Variants in MAN1C1 observed in about 807,000 individuals in gnomAD.
MAN1C1 encodes the protein mannosidase alpha class 1C member 1.
A neutral mutation model predicts 71.5 loss-of-function variants in MAN1C1; 49 were observed. The observed-to-expected ratio is 0.69, with a 90% confidence interval of 0.54 to 0.87. MAN1C1 has a LOEUF of 0.87. Ranked by LOEUF, MAN1C1 falls within the 40% of genes least tolerant of loss-of-function variation. The pLI, the probability that MAN1C1 is intolerant of heterozygous loss-of-function variation, is 0.00. For missense variants in MAN1C1, 743 were observed against 835.0 expected (o/e 0.89, Z 1.36); for synonymous variants, 352 against 343.7 (o/e 1.02, Z -0.27).
chr1:25,681,940 C>A (rs2046160652), intron 1 of MAN1C1, among the ~76,000 whole-genome samples: 1 of 148,838 alleles, frequency 6.7e-6, no homozygotes, highest in Non-Finnish European at 1.5e-5. Flanking sequence ...GCTAGTCTAA[C>A]CCCCTATTTG....
intron 1 of MAN1C1, among the ~76,000 whole-genome samples, chr1:25,654,967 TCC>T (rs1212072862): frequency 4.6e-5 from 7 of 152,160 alleles, no homozygotes; most frequent in Non-Finnish European, 8.8e-5. Context: ...TTTCCATGGT[TCC>T]AAAGTGCTGT....
rs12072247 is a variant in MAN1C1 at position 25,755,558 on chromosome 1, G to T, written c.929+1980G>T. Among the ~76,000 whole-genome samples the T allele has an allele frequency of 7.6e-3, 1,151 of 152,344 alleles. 13 individuals carry two copies. Among genetic ancestry groups the T allele is most frequent in the African/African-American group, 0.026 (1,072 of 41,566 alleles). On this transcript the variant is annotated intron_variant, in intron 5 of 11. Transcript: ENST00000374332. ...AACGTCTGGTGAGAAGTCACTGTGT[G>T]TCAGGCATCACGTGAGCACGTGACA...
rs919091061 is a variant in MAN1C1, at chr1:25,711,657, C to T, written c.637+25121C>T. On this transcript the variant is annotated intron_variant, in intron 2 of 11. Transcript: ENST00000374332. This position sits in a 1 kb window ranked among gnomAD's most constrained non-coding sequence, Gnocchi z 4.3. ...TGCTCCCTGCGGCCCCGCCCCTCCT[C>T]CCTGCGGCCCCGCCCCTCCCCTGCG... Among the ~76,000 whole-genome samples the T allele has an allele frequency of 2.0e-5, 3 of 150,090 alleles. No homozygotes were observed. The highest frequency in any genetic ancestry group is 4.0e-4 in the East Asian group (2 of 4,942).
chr1:25,764,117 C>T lies in MAN1C1; in HGVS notation c.1141+150C>T, dbSNP rs560612702. 4.0e-5 allele frequency: 26 copies of T among 653,370 alleles called. No homozygotes were observed. In the East Asian group the frequency reaches 6.0e-4, roughly 15 times the overall value. 40.5% of individuals were successfully genotyped at this position (653,370 alleles called of 1,614,324 possible). On this transcript the variant is annotated intron_variant, in intron 7 of 11. Transcript: ENST00000374332. This position sits in a 1 kb window ranked among gnomAD's most constrained non-coding sequence, Gnocchi z 4.4. ...TTCGCTCGGTGCTCCTGGACACCAC[C>T]TGCCTTCCCATGCATCCTGGGGGCT...
intron 2 of MAN1C1, among the ~76,000 whole-genome samples, chr1:25,706,316 T>C (rs1466531301): frequency 6.6e-6 from 1 of 152,216 alleles, no homozygotes; most frequent in Non-Finnish European, 1.5e-5. Flanking sequence ...TTGTCCCACA[T>C]GACCCAGATG....
Position 25,617,992 on chromosome 1 carries a change from G to C in MAN1C1, c.195G>C (p.Val65=), listed in dbSNP as rs762862299. The C allele has an allele frequency of 2.5e-6, 4 of 1,605,812 alleles. No individual in the cohort carries two copies. The highest frequency in any genetic ancestry group is 3.4e-6 in the Non-Finnish European group (4 of 1,177,202). ...GGACCCAGCAGCCTGGTCTGGAAGT[G>C]GTGGCTGAAATCGCCGGCCATGCCC... The part of the protein sequence containing the change: ...APRTQQPGLE[V]VAEIAGHAPA... Residue 65 remains valine, a synonymous_variant, in exon 1 of 12, where the codon GTG becomes GTC. Transcript: ENST00000374332. This position sits in a 1 kb window ranked among gnomAD's most constrained non-coding sequence, Gnocchi z 5.1.
chr1:25,644,512 A>ATTT (rs1412655325), intron 1 of MAN1C1: 45 of 91,002 alleles, frequency 4.9e-4, no homozygotes, highest in African/African-American at 3.4e-3. Context: ...ATATATATAT[A>ATTT]TATATATTTT....
At chr1:25,648,441 A>G (rs2045646378) in intron 1 of MAN1C1, among the ~76,000 whole-genome samples, 1 of 152,166 alleles carries the variant, frequency 6.6e-6, no homozygotes, top group African/African-American at 2.4e-5. Flanking sequence ...ATAAGTTGCC[A>G]AGAACCTGGA....
At chr1:25,663,878 G>T (rs2045884764) in intron 1 of MAN1C1, among the ~76,000 whole-genome samples, 1 of 152,192 alleles carries the variant, frequency 6.6e-6, no homozygotes, top group Non-Finnish European at 1.5e-5. Flanking sequence ...CAAATAAAAA[G>T]TTAGAACATG....
chr1:25,656,835 T>G (rs1022704209), intron 1 of MAN1C1, among the ~76,000 whole-genome samples: 7 of 151,782 alleles, frequency 4.6e-5, no homozygotes, highest in Non-Finnish European at 1.0e-4. Flanking sequence ...CGTCTTTTTT[T>G]TTTTTTTTGA....
intron 6 of MAN1C1, chr1:25,763,558 G>A: frequency 3.7e-6 from 1 of 273,670 alleles, no homozygotes; most frequent in Non-Finnish European, 6.9e-6. Context: ...CAAGCAATGA[G>A]GAAGTGTTGA....
intron 1 of MAN1C1, among the ~76,000 whole-genome samples, chr1:25,676,358 C>A (rs1479397128): frequency 6.6e-6 from 1 of 152,296 alleles, no homozygotes; most frequent in South Asian, 2.1e-4. Context: ...CCCGGGCAAC[C>A]AAACCCCACC....
chr1:25,758,858 A>G, intron 6 of MAN1C1, 149 bp downstream of exon 6: 1 of 707,990 alleles, frequency 1.4e-6, no homozygotes. Context: ...TAAGGTAGCA[A>G]ATAGTAGCTA....
chr1:25,619,177 C>T (rs527496433), intron 1 of MAN1C1, among the ~76,000 whole-genome samples: 1 of 152,286 alleles, frequency 6.6e-6, no homozygotes, highest in South Asian at 2.1e-4. Context: ...TTCTGCTGGA[C>T]CACTGTTAGA....
At chr1:25,639,152 T>C (rs1411958382) in intron 1 of MAN1C1, among the ~76,000 whole-genome samples, 1 of 152,168 alleles carries the variant, frequency 6.6e-6, no homozygotes, top group African/African-American at 2.4e-5. Flanking sequence ...ACCCAATGAC[T>C]TTTTTATTTC....
intron 1 of MAN1C1, among the ~76,000 whole-genome samples, chr1:25,685,131 T>G (rs1169912167): frequency 6.6e-6 from 1 of 152,244 alleles, no homozygotes; most frequent in Non-Finnish European, 1.5e-5. Context: ...AATCACTTGC[T>G]GTGTCTGGTC....
chr1:25,682,905 GCA>G (rs2046174319), intron 1 of MAN1C1, among the ~76,000 whole-genome samples: 1 of 152,052 alleles, frequency 6.6e-6, no homozygotes, highest in Non-Finnish European at 1.5e-5. Flanking sequence ...GAGCGTGGTG[GCA>G]CGTGTCTGTA....
At chr1:25,754,398 G>T (rs1198284067) in intron 5 of MAN1C1, among the ~76,000 whole-genome samples, 1 of 152,198 alleles carries the variant, frequency 6.6e-6, no homozygotes, top group East Asian at 1.9e-4. Context: ...CTTCGTGTTG[G>T]CCTCAAGGGC....
chr1:25,733,087 C>A (rs1001303917), intron 2 of MAN1C1, among the ~76,000 whole-genome samples: 5 of 152,180 alleles, frequency 3.3e-5, no homozygotes, highest in Admixed American at 2.0e-4. Context: ...GGCTCACATG[C>A]CCTGTGGTCT....
Sources: allele counts gnomAD v4.1 joint callset (sites outside exome capture counted in the v4.1 genomes callset), GRCh38; gene constraint gnomAD v4.1.1; non-coding constraint Gnocchi (gnomAD v3.1); transcripts MANE v1.5; gene names NCBI Gene and HGNC (gene_info 2026-07-23, HGNC 2026-07-21).